SLC24A2: variants seen among roughly 807,000 people sequenced by gnomAD.
SLC24A2 encodes the protein solute carrier family 24 member 2.
Under a neutral mutation model 62.0 loss-of-function variants are expected in SLC24A2, and 36 were observed. The ratio of observed to expected loss-of-function variants is 0.58; its 90% CI spans 0.44 to 0.77. SLC24A2 has a LOEUF of 0.77. Ranked by LOEUF, SLC24A2 falls within the 30% of genes least tolerant of loss-of-function variation. SLC24A2 has a pLI of 0.00. For synonymous variants in SLC24A2, 358 were observed against 294.0 expected (o/e 1.22, Z -2.23); for missense variants, 846 against 817.9 (o/e 1.03, Z -0.42).
chr9:19,593,886 G>C (rs1418045728), intron 5 of SLC24A2, among the ~76,000 whole-genome samples: 1 of 152,014 alleles, frequency 6.6e-6, no homozygotes, highest in Non-Finnish European at 1.5e-5. Context: ...TTGAGCCTTG[G>C]TTTTCTCCTC....
At chr9:19,847,758 T>G in the SLC24A2 span, among the ~76,000 whole-genome samples, 2 of 152,188 alleles carry the variant, frequency 1.3e-5, no homozygotes, top group Non-Finnish European at 2.9e-5. Flanking sequence ...CAGTAAACAT[T>G]GACCCAATTT....
the SLC24A2 span, among the ~76,000 whole-genome samples, chr9:20,002,500 A>G: frequency 1.3e-5 from 2 of 152,060 alleles, no homozygotes; most frequent in African/African-American, 4.8e-5. Context: ...ACTTACTGTT[A>G]AAACAAACTC....
At chr9:19,697,134 G>A (rs2118502525) in intron 2 of SLC24A2, among the ~76,000 whole-genome samples, 1 of 152,234 alleles carries the variant, frequency 6.6e-6, no homozygotes, top group South Asian at 2.1e-4. Flanking sequence ...GTTAGTCAAT[G>A]TTTTAATTAA....
At chr9:19,517,981 A>T (rs1368440431) in intron 10 of SLC24A2, among the ~76,000 whole-genome samples, 5 of 151,042 alleles carry the variant, frequency 3.3e-5, no homozygotes, top group Non-Finnish European at 5.9e-5. Context: ...AGTGAAGTTG[A>T]GTTTAATCGC....
At chr9:20,169,104 G>C in the SLC24A2 span, among the ~76,000 whole-genome samples, 1 of 151,922 alleles carries the variant, frequency 6.6e-6, no homozygotes, top group African/African-American at 2.4e-5. Context: ...AGACACAGAA[G>C]GACCCACTGT....
intron 2 of SLC24A2, among the ~76,000 whole-genome samples, chr9:19,667,701 G>A (rs1002467893): frequency 2.0e-5 from 3 of 152,160 alleles, no homozygotes; most frequent in Non-Finnish European, 4.4e-5. Flanking sequence ...GGCATGAGAA[G>A]CCCATCAGAA....
chr9:20,234,265 T>C, the SLC24A2 span, among the ~76,000 whole-genome samples: 6 of 152,214 alleles, frequency 3.9e-5, no homozygotes, highest in Non-Finnish European at 7.3e-5. Context: ...TGAATTTGAA[T>C]GTTGGCCTGC....
At chr9:20,277,288 G>C in the SLC24A2 span, among the ~76,000 whole-genome samples, 1 of 152,174 alleles carries the variant, frequency 6.6e-6, no homozygotes, top group South Asian at 2.1e-4. Context: ...TACCATCAGA[G>C]TGAACAGGCA....
rs7021943 is a variant in SLC24A2, at chr9:19,526,788, C to G, written c.1569+1261G>C. On this transcript the variant is annotated intron_variant, in intron 9 of 10. Coordinates refer to ENST00000341998, the MANE Select transcript of SLC24A2 (RefSeq NM_020344.4). Reference sequence around the variant, plus strand: ...TGATTTGCAAATATTTTCTTCCAGCCTGTGGTTTTCCTTTTCCTTTTTAAT... The same window carrying G: ...TGATTTGCAAATATTTTCTTCCAGCGTGTGGTTTTCCTTTTCCTTTTTAAT... Among the ~76,000 whole-genome samples the G allele has an allele frequency of 7.9e-3, 1,196 of 152,182 alleles. 18 individuals are homozygous for G. The highest frequency in any genetic ancestry group is 0.028 in the African/African-American group (1,148 of 41,526).
chr9:20,031,434 AAGTAGAGAAAAAT>A, the SLC24A2 span, among the ~76,000 whole-genome samples: 13 of 149,570 alleles, frequency 8.7e-5, no homozygotes, highest in South Asian at 2.7e-3. Flanking sequence ...CACACTTTAA[AAGTAGAGAAAAAT>A]CTCATGGTGC....
chr9:19,773,024 C>A (rs1185241147), intron 2 of SLC24A2, among the ~76,000 whole-genome samples: 1 of 152,092 alleles, frequency 6.6e-6, no homozygotes, highest in Non-Finnish European at 1.5e-5. Flanking sequence ...CATGGACGAA[C>A]CTTAAAAACA....
At chr9:19,588,986 T>C (rs1488200827) in intron 5 of SLC24A2, among the ~76,000 whole-genome samples, 2 of 152,196 alleles carry the variant, frequency 1.3e-5, no homozygotes, top group African/African-American at 4.8e-5. Flanking sequence ...TGTCTGAGGC[T>C]CTGCAATTCA....
the SLC24A2 span, among the ~76,000 whole-genome samples, chr9:20,130,757 G>C: frequency 2.6e-5 from 4 of 152,180 alleles, no homozygotes; most frequent in Non-Finnish European, 1.5e-5. Flanking sequence ...GTAGGATGCA[G>C]AGCAGGAGAC....
At chr9:19,794,143 C>A in the SLC24A2 span, among the ~76,000 whole-genome samples, 2 of 152,230 alleles carry the variant, frequency 1.3e-5, no homozygotes, top group Non-Finnish European at 2.9e-5. Flanking sequence ...CCAACCCCTA[C>A]ATGATTGCTC....
the SLC24A2 span, among the ~76,000 whole-genome samples, chr9:19,913,042 T>C: frequency 6.6e-6 from 1 of 152,098 alleles, no homozygotes; most frequent in East Asian, 1.9e-4. Context: ...CTCTGACAAT[T>C]ACCTCTCTAA....
the SLC24A2 span, among the ~76,000 whole-genome samples, chr9:20,106,811 C>T: frequency 6.6e-6 from 1 of 152,104 alleles, no homozygotes; most frequent in African/African-American, 2.4e-5. Context: ...CCCTCTCTCA[C>T]CACTCCTATT....
the SLC24A2 span, among the ~76,000 whole-genome samples, chr9:20,195,013 T>C: frequency 1.3e-4 from 20 of 152,294 alleles, 1 homozygote; most frequent in East Asian, 5.8e-4. Context: ...ATTAGTTTCT[T>C]TTTGAACTTT....
At chr9:20,223,005 TA>T in the SLC24A2 span, among the ~76,000 whole-genome samples, 1 of 151,938 alleles carries the variant, frequency 6.6e-6, no homozygotes, top group African/African-American at 2.4e-5. Context: ...TATGATTATC[TA>T]GGAAATAAAA....
chr9:19,600,215 C>T (rs754078741), intron 4 of SLC24A2, among the ~76,000 whole-genome samples: 12 of 152,126 alleles, frequency 7.9e-5, no homozygotes, highest in Admixed American at 1.3e-4. Flanking sequence ...GCCTGTAATC[C>T]GATTGTAAAT....
Sources: allele counts gnomAD v4.1 joint callset (sites outside exome capture counted in the v4.1 genomes callset), GRCh38; gene constraint gnomAD v4.1.1; transcripts MANE v1.5; gene names NCBI Gene and HGNC (gene_info 2026-07-23, HGNC 2026-07-21).